COL12A1: variants seen among roughly 807,000 people sequenced by gnomAD.
The protein encoded by COL12A1 is collagen alpha-1(XII) chain.
In COL12A1, 114 loss-of-function variants were observed where a neutral mutation model predicts 349.7. That is an observed-to-expected ratio of 0.33 (90% confidence interval 0.28 to 0.38). The LOEUF (loss-of-function observed/expected upper bound fraction) is 0.38. Ranked by LOEUF, COL12A1 falls within the 10% of genes least tolerant of loss-of-function variation. The probability of loss-of-function intolerance (pLI) is 1.00; values close to 1 mark genes in which losing one functional copy is unlikely to be tolerated. For synonymous variants in COL12A1, 1,369 were observed against 1,329.0 expected, an observed-to-expected ratio of 1.03 and a Z score of -0.66; for missense variants, 3,284 against 3,756.9, an observed-to-expected ratio of 0.87 and a Z score of 3.29.
At chr6:75,174,345 A>G (rs1211285414) in intron 13 of COL12A1, among the ~76,000 whole-genome samples, 1 of 152,110 alleles carries the variant, frequency 6.6e-6, no homozygotes, top group Admixed American at 6.5e-5. Context: ...TCACGAGGTC[A>G]GGAGATCGAG....
At chr6:75,205,134 C>T (rs1770715641) in intron 1 of COL12A1, among the ~76,000 whole-genome samples, 2 of 151,382 alleles carry the variant, frequency 1.3e-5, no homozygotes, top group Non-Finnish European at 2.9e-5. Context: ...ACCAATGCAC[C>T]GGGAGGGAGT....
rs1217151970 is a variant in COL12A1 at position 75,145,344 on chromosome 6, T to C, written c.4672A>G (p.Thr1558Ala). 1.2e-6 allele frequency: 2 copies of C among 1,611,212 alleles called. No homozygotes were observed. The highest frequency in any genetic ancestry group is 1.7e-6 in the Non-Finnish European group (2 of 1,177,992). The change falls in exon 25 of 66, where the codon ACT becomes GCT. Residue 1558 changes from threonine (T) to alanine (A), a missense_variant. Physicochemically the swap from Thr to Ala is moderately conservative, Grantham distance 58. Transcript: ENST00000322507. ...VLHDLTSEPV[T>A]VREVTLPLPR... ...AGCTTACAGGTGACTTCCCGAACAGTGACAGGTTCACTAGTGAGGTCGTGC... is the reference window on the plus strand; with the variant it reads ...AGCTTACAGGTGACTTCCCGAACAGCGACAGGTTCACTAGTGAGGTCGTGC...
At chr6:75,121,493 T>G in intron 43 of COL12A1, 52 bp from the exon 44 acceptor site, 1 of 1,466,984 alleles carries the variant, frequency 6.8e-7, no homozygotes, top group South Asian at 1.5e-5. Context: ...TTCTTTCATT[T>G]AAATGAAATC....
chr6:75,159,297 G>A (rs1767913484), intron 14 of COL12A1, among the ~76,000 whole-genome samples: 2 of 150,464 alleles, frequency 1.3e-5, no homozygotes, highest in Non-Finnish European at 3.0e-5. Flanking sequence ...AAGAAACTAA[G>A]AGAACTCTCA....
chr6:75,191,013 A>G (rs1769899822), intron 5 of COL12A1, among the ~76,000 whole-genome samples: 1 of 151,898 alleles, frequency 6.6e-6, no homozygotes, highest in Admixed American at 6.6e-5. Context: ...GTTTTACGAG[A>G]TGACAAAATT....
intron 17 of COL12A1, 93 bp downstream of exon 17, chr6:75,154,323 A>G (rs977933787): frequency 9.7e-6 from 13 of 1,344,524 alleles, no homozygotes; most frequent in South Asian, 1.8e-5. Flanking sequence ...TAAAATTTGT[A>G]TCATTGTTTT....
Position 75,086,548 on chromosome 6 carries a change from T to C in COL12A1, c.9191A>G (p.Ter3064=). 3 of 1,606,774 alleles carry C rather than the reference T, an allele frequency of 1.9e-6. No homozygotes were observed. Among genetic ancestry groups the C allele is most frequent in the Admixed American group, 1.7e-5 (1 of 59,624 alleles). Residue 3064 remains the stop codon, a stop_retained_variant, in exon 66 of 66, where the codon TAA becomes TGA. Transcript: ENST00000322507. ...YNGQGYPGSG[*] is the part of the protein sequence containing the mutation. The stretch of plus-strand genomic sequence containing the variant: ...AGCACTGGCGACTTAGAAAATGTGT[T>C]AGCCGGAACCTGAAACAGGTCAAAG...
chr6:75,125,327 T>G, intron 39 of COL12A1, 54 bp from the exon 40 acceptor site: 1 of 1,504,630 alleles, frequency 6.6e-7, no homozygotes, highest in South Asian at 1.4e-5. Flanking sequence ...AGCATGAAAT[T>G]TTGCTTAAAA....
chr6:75,129,600 T>C (rs756950980), intron 37 of COL12A1, among the ~76,000 whole-genome samples: 2 of 152,030 alleles, frequency 1.3e-5, no homozygotes, highest in South Asian at 4.2e-4. Context: ...AATAGGAGAG[T>C]ATTTATATTC....
intron 2 of COL12A1, 96 bp downstream of exon 2, chr6:75,202,624 G>A: frequency 8.1e-7 from 1 of 1,237,232 alleles, no homozygotes; most frequent in Non-Finnish European, 1.1e-6. Flanking sequence ...ACGAAGCGCA[G>A]GGAAAACAGA....
intron 35 of COL12A1, among the ~76,000 whole-genome samples, chr6:75,131,268 AT>A (rs765573962): frequency 9.2e-5 from 14 of 152,160 alleles, no homozygotes; most frequent in Non-Finnish European, 1.5e-4. Context: ...AGCTCATGAT[AT>A]TTCCCCAAAA....
Position 75,132,095 on chromosome 6 carries a change from A to G in COL12A1, c.5795-13T>C. On this transcript the variant is annotated splice_polypyrimidine_tract_variant and intron_variant, in intron 34 of 65. Transcript: ENST00000322507. The stretch of plus-strand genomic sequence containing the variant: ...AGTCCTCTCATCACTGAGGAAATGA[A>G]GGCCAACATCTATTTTTTAAGTCTG... 6.2e-7 allele frequency: 1 copy of G among 1,612,804 alleles called. No homozygotes were observed. Among genetic ancestry groups the G allele is most frequent in the East Asian group, 2.2e-5 (1 of 44,874 alleles).
intron 51 of COL12A1, 69 bp from the exon 52 acceptor site, chr6:75,109,236 A>C: frequency 8.9e-7 from 1 of 1,127,508 alleles, no homozygotes; most frequent in South Asian, 1.7e-5. Context: ...TGCATAGTTT[A>C]GATCAGATTT....
In COL12A1 at chr6:75,133,662, G is replaced by T. The variant is rs192837924; in HGVS notation, c.5664+196C>A. ...AACGGCCGCTTCTTCCCCTGGCCAG[G>T]GGGAAGAATCCTGGCCACAATCCCT... On this transcript the variant is annotated intron_variant, in intron 33 of 65. Transcript: ENST00000322507. 2.6e-4 allele frequency among the ~76,000 whole-genome samples: 40 copies of T among 152,128 alleles called. No individual in the cohort carries two copies. The East Asian group carries it at 7.5e-3, about 29-fold the overall frequency.
At chr6:75,102,080 T>A in intron 56 of COL12A1, 28 bp from the exon 57 acceptor site, 1 of 1,609,274 alleles carries the variant, frequency 6.2e-7, no homozygotes, top group Non-Finnish European at 8.5e-7. Flanking sequence ...AAAACAGTTC[T>A]CAGGCGTTTC....
At chr6:75,124,207 G>A in intron 41 of COL12A1, 48 bp downstream of exon 41, 1 of 1,594,882 alleles carries the variant, frequency 6.3e-7, no homozygotes, top group South Asian at 1.1e-5. Context: ...AATTTAAAAT[G>A]TTTCCACTAC....
Position 75,115,938 on chromosome 6 carries a change from G to A in COL12A1, c.7559-16C>T, listed in dbSNP as rs541295054. On this transcript the variant is annotated splice_polypyrimidine_tract_variant and intron_variant, in intron 48 of 65. Coordinates refer to ENST00000322507, the MANE Select transcript of COL12A1 (RefSeq NM_004370.6). ...ATTTTAAAACCTTTACATCAGAAAA[G>A]AAAATATTAAACGGAGTACATTTTA... is the stretch of plus-strand genomic sequence containing the variant. The A allele has an allele frequency of 1.2e-6, 2 of 1,611,794 alleles. No individual in the cohort carries two copies. The highest frequency in any genetic ancestry group is 1.7e-5 in the Admixed American group (1 of 59,584).
chr6:75,137,250 T>A (rs924901375), intron 31 of COL12A1, among the ~76,000 whole-genome samples, 187 bp downstream of exon 31: 1 of 152,086 alleles, frequency 6.6e-6, no homozygotes, highest in African/African-American at 2.4e-5. Flanking sequence ...CATGAGAACA[T>A]CCATTGAGTC....
Position 75,095,174 on chromosome 6 carries a change from G to A in COL12A1, c.8583C>T (p.Ser2861=), listed in dbSNP as rs189999387. 1 of 1,613,764 alleles carries A rather than the reference G, an allele frequency of 6.2e-7. No homozygotes were observed. The highest frequency in any genetic ancestry group is 2.2e-5 in the East Asian group (1 of 44,870). The part of the protein sequence containing the change: ...GPRGPPGPPG[S]PGSPGVTGPS... Reference sequence around the variant, plus strand: ...GTCCTGTGACTCCTGGGGAGCCTGGGCTTCCCTACAACACATGGAAAGGGA... The same window carrying A: ...GTCCTGTGACTCCTGGGGAGCCTGGACTTCCCTACAACACATGGAAAGGGA... The change falls in exon 60 of 66, where the codon AGC becomes AGT. Residue 2861 remains serine, a synonymous_variant. Transcript: ENST00000322507.
Sources: allele counts gnomAD v4.1 joint callset (sites outside exome capture counted in the v4.1 genomes callset), GRCh38; gene constraint gnomAD v4.1.1; transcripts MANE v1.5; gene names NCBI Gene and HGNC (gene_info 2026-07-23, HGNC 2026-07-21).